PCDHA12: variants seen among roughly 807,000 people sequenced by gnomAD.
PCDHA12 encodes protocadherin alpha 12.
Under a neutral mutation model 60.0 loss-of-function variants are expected in PCDHA12, and 44 were observed. The observed-to-expected ratio is 0.73, with a 90% confidence interval of 0.58 to 0.94. The LOEUF is 0.94. PCDHA12 is among the 40% of genes least tolerant of loss of function. The pLI is 0.00. For synonymous variants in PCDHA12, 569 were observed against 553.0 expected (o/e 1.03, Z -0.40); for missense variants, 1,276 against 1,239.7 (o/e 1.03, Z -0.44).
At chr5:140,930,209 T>C (rs752393887) in intron 1 of PCDHA12, 4 of 152,266 alleles carry the variant, frequency 2.6e-5, no homozygotes, top group Non-Finnish European at 5.9e-5. Flanking sequence ...GAAATATTTA[T>C]GTGTTCAAAG....
At chr5:140,880,297 AG>A (rs1554171244) in intron 1 of PCDHA12, among the ~76,000 whole-genome samples, 1 of 152,250 alleles carries the variant, frequency 6.6e-6, no homozygotes, top group Admixed American at 6.5e-5. Context: ...TCATAGTGTG[AG>A]TGAAAGAAAC....
chr5:140,930,055 A>G (rs1249446079), intron 1 of PCDHA12: 2 of 152,206 alleles, frequency 1.3e-5, no homozygotes, highest in Admixed American at 6.5e-5. Context: ...GTTTTTGCTT[A>G]CACAAAAACT....
At chr5:140,918,097 A>C (rs193088313) in intron 1 of PCDHA12, among the ~76,000 whole-genome samples, 2 of 152,192 alleles carry the variant, frequency 1.3e-5, no homozygotes, top group Non-Finnish European at 2.9e-5. Flanking sequence ...CTTTTTATAG[A>C]GATCTTTCAC....
In PCDHA12 at chr5:140,876,415, G is replaced by C. The variant is rs782679956; in HGVS notation, c.943G>C (p.Ala315Pro). 3 of 1,613,842 alleles carry C rather than the reference G, an allele frequency of 1.9e-6. No individual in the cohort carries two copies. The African/African-American group carries it at 4.0e-5, about 22-fold the overall frequency. Residue 315 changes from alanine (A) to proline (P), a missense_variant, in exon 1 of 4, where the codon GCC (alanine) becomes CCC (proline). Transcript: ENST00000398631. ...YGELDFEENN[A>P]YEIQVNAIDK... ...TGAACTGGATTTTGAAGAGAATAATGCCTATGAAATTCAGGTTAACGCCAT... is the reference window on the plus strand; with the variant it reads ...TGAACTGGATTTTGAAGAGAATAATCCCTATGAAATTCAGGTTAACGCCAT...
In PCDHA12 at chr5:141,011,725, TGCAA is replaced by T. The variant is rs1283017882; in HGVS notation, c.*1792_*1795del. 6.5e-6 allele frequency: 1 copy of T among 153,742 alleles called. No individual in the cohort carries two copies. The highest frequency in any genetic ancestry group is 1.5e-5 in the Non-Finnish European group (1 of 68,032). The allele number at this position is 153,742 out of a possible 1,614,324, so 9.5% of individuals were successfully genotyped here. ...ATACTGACAATATTCCATGAGGGTG[TGCAA>T]GCACAAATTTTACCAATCTGACCTC... On this transcript the variant is annotated 3_prime_UTR_variant, in exon 4 of 4. Coordinates refer to ENST00000398631, the MANE Select transcript of PCDHA12 (RefSeq NM_018903.4).
intron 3 of PCDHA12, among the ~76,000 whole-genome samples, chr5:141,003,650 A>G (rs2098132767): frequency 6.6e-6 from 1 of 152,170 alleles, no homozygotes; most frequent in Admixed American, 6.5e-5. Flanking sequence ...GAAGATCTGT[A>G]TGCATTTATT....
At chr5:140,996,926 T>C (rs569386997) in intron 3 of PCDHA12, among the ~76,000 whole-genome samples, 4 of 152,320 alleles carry the variant, frequency 2.6e-5, no homozygotes, top group Middle Eastern at 3.4e-3. Flanking sequence ...TTAAAAAATA[T>C]AGCATTTTTG....
chr5:140,993,462 T>TCACACACACACA (rs3836747), intron 3 of PCDHA12, among the ~76,000 whole-genome samples: 55 of 141,044 alleles, frequency 3.9e-4, no homozygotes, highest in Non-Finnish European at 5.3e-4. Context: ...TCTTTCTTTC[T>TCACACACACACA]CACACACACA....
intron 1 of PCDHA12, chr5:140,928,089 T>G: frequency 6.2e-7 from 1 of 1,614,192 alleles, no homozygotes; most frequent in Non-Finnish European, 8.5e-7. Context: ...GCCTGCTGAT[T>G]GATGGGCCCC....
intron 1 of PCDHA12, among the ~76,000 whole-genome samples, chr5:140,916,315 A>C (rs1554197391): frequency 3.9e-5 from 6 of 152,204 alleles, no homozygotes; most frequent in Non-Finnish European, 8.8e-5. Context: ...GGTGCAAGAC[A>C]AAGTCCCCTT....
intron 1 of PCDHA12, among the ~76,000 whole-genome samples, chr5:140,917,793 G>A (rs1405580492): frequency 6.6e-6 from 1 of 152,082 alleles, no homozygotes; most frequent in African/African-American, 2.4e-5. Flanking sequence ...TTTGGTTACT[G>A]TAGCCTTGCA....
intron 1 of PCDHA12, among the ~76,000 whole-genome samples, chr5:140,899,326 T>G (rs1203153086): frequency 6.6e-6 from 1 of 152,230 alleles, no homozygotes; most frequent in Non-Finnish European, 1.5e-5. Flanking sequence ...TGGCTGTGGG[T>G]TTGTCATAGA....
At chr5:141,005,315 G>A (rs1554259986) in intron 3 of PCDHA12, among the ~76,000 whole-genome samples, 1 of 152,186 alleles carries the variant, frequency 6.6e-6, no homozygotes, top group Non-Finnish European at 1.5e-5. Flanking sequence ...TCTTACAGTG[G>A]TAGAGAATAA....
chr5:140,878,599 A>G (rs1308833361), intron 1 of PCDHA12, among the ~76,000 whole-genome samples: 4 of 152,220 alleles, frequency 2.6e-5, no homozygotes, highest in African/African-American at 2.4e-5. Context: ...TTACCAAGTG[A>G]ATCTTCTAAT....
At chr5:140,929,249 G>C (rs1212088369) in intron 1 of PCDHA12, 14 of 1,613,366 alleles carry the variant, frequency 8.7e-6, no homozygotes, top group Non-Finnish European at 1.2e-5. Flanking sequence ...CTTGCCACTG[G>C]GGTAGGACTG....
intron 1 of PCDHA12, among the ~76,000 whole-genome samples, chr5:140,943,840 G>T (rs528235230): frequency 1.4e-4 from 21 of 152,316 alleles, no homozygotes; most frequent in Non-Finnish European, 2.8e-4. Context: ...GAAGTTGTAA[G>T]ATGTCACAGA....
At chr5:140,937,788 T>C (rs2091751340) in intron 1 of PCDHA12, among the ~76,000 whole-genome samples, 1 of 149,320 alleles carries the variant, frequency 6.7e-6, no homozygotes, top group African/African-American at 2.5e-5. Flanking sequence ...GGCGGGCGTA[T>C]GTAGTCCCAG....
chr5:140,958,890 A>G (rs1379321415), intron 1 of PCDHA12, among the ~76,000 whole-genome samples: 1 of 152,044 alleles, frequency 6.6e-6, no homozygotes, highest in African/African-American at 2.4e-5. Context: ...CAGTAGCTAT[A>G]TAATAGATAC....
intron 1 of PCDHA12, among the ~76,000 whole-genome samples, chr5:140,918,436 A>T (rs2078697265): frequency 6.6e-6 from 1 of 152,092 alleles, no homozygotes; most frequent in Admixed American, 6.6e-5. Context: ...GTTGAATAGG[A>T]GTGGTGACAG....
Sources: allele counts gnomAD v4.1 joint callset (sites outside exome capture counted in the v4.1 genomes callset), GRCh38; gene constraint gnomAD v4.1.1; transcripts MANE v1.5; gene names NCBI Gene and HGNC (gene_info 2026-07-23, HGNC 2026-07-21).